Variants in KCNMB2 observed in about 807,000 individuals in gnomAD.
The protein encoded by KCNMB2 is calcium-activated potassium channel subunit beta-2.
Under a neutral mutation model 24.5 loss-of-function variants are expected in KCNMB2, and 9 were observed. That is an observed-to-expected ratio of 0.37 (90% CI 0.22 to 0.64). The LOEUF is 0.64. Ranked by LOEUF, KCNMB2 falls within the 30% of genes least tolerant of loss-of-function variation. KCNMB2 has a pLI of 0.63. For missense variants in KCNMB2, 226 were observed against 284.3 expected (o/e 0.79, Z 1.47); for synonymous variants, 109 against 104.4 (o/e 1.04, Z -0.27).
intron 1 of KCNMB2, among the ~76,000 whole-genome samples, chr3:178,752,502 T>C (rs556244251): frequency 2.3e-4 from 35 of 152,176 alleles, no homozygotes; most frequent in African/African-American, 7.7e-4. Flanking sequence ...GTGGAGTGAG[T>C]TTATGGTCTA....
intron 1 of KCNMB2, among the ~76,000 whole-genome samples, chr3:178,588,534 G>C (rs925547024): frequency 3.0e-4 from 46 of 152,042 alleles, no homozygotes; most frequent in Admixed American, 3.3e-4. Context: ...TTGATATAAT[G>C]CTACTTATCA....
chr3:178,711,003 G>A (rs1409871071), intron 1 of KCNMB2, among the ~76,000 whole-genome samples: 1 of 152,156 alleles, frequency 6.6e-6, no homozygotes, highest in Non-Finnish European at 1.5e-5. Flanking sequence ...TTGCTATCAA[G>A]GGGACATTAA....
intron 1 of KCNMB2, among the ~76,000 whole-genome samples, chr3:178,721,579 A>G (rs1308796837): frequency 2.6e-5 from 4 of 152,168 alleles, no homozygotes; most frequent in Non-Finnish European, 5.9e-5. Context: ...ATTTTTCTGG[A>G]ATGAAAACCC....
intron 1 of KCNMB2, among the ~76,000 whole-genome samples, chr3:178,803,209 A>T (rs1713839317): frequency 6.6e-6 from 1 of 152,240 alleles, no homozygotes; most frequent in Non-Finnish European, 1.5e-5. Flanking sequence ...TGGTGATGCC[A>T]GGAGGCAAAC....
At chr3:178,814,477 T>C (rs1391275278) in intron 2 of KCNMB2, among the ~76,000 whole-genome samples, 2 of 152,206 alleles carry the variant, frequency 1.3e-5, no homozygotes, top group South Asian at 4.1e-4. Flanking sequence ...TTTGGGTAGA[T>C]ACCCACTCCA....
At chr3:178,623,456 G>C (rs538481848) in intron 1 of KCNMB2, among the ~76,000 whole-genome samples, 4 of 152,140 alleles carry the variant, frequency 2.6e-5, no homozygotes, top group Non-Finnish European at 5.9e-5. Context: ...TTTTAGTTCT[G>C]ACAGTGAACA....
intron 4 of KCNMB2, among the ~76,000 whole-genome samples, chr3:178,838,859 T>C (rs1715327783): frequency 6.6e-6 from 1 of 152,188 alleles, no homozygotes; most frequent in African/African-American, 2.4e-5. Flanking sequence ...TGAATATTTA[T>C]AGTTACAATG....
chr3:178,548,420 G>C (rs1184065191), intron 1 of KCNMB2, among the ~76,000 whole-genome samples: 1 of 152,118 alleles, frequency 6.6e-6, no homozygotes, highest in African/African-American at 2.4e-5. Flanking sequence ...TCTAGGACTG[G>C]ATGTCAAGAC....
intron 1 of KCNMB2, among the ~76,000 whole-genome samples, chr3:178,593,233 T>G (rs1397856486): frequency 6.6e-6 from 1 of 152,114 alleles, no homozygotes; most frequent in Non-Finnish European, 1.5e-5. Flanking sequence ...AAAATATTTA[T>G]GTATATATTT....
intron 1 of KCNMB2, among the ~76,000 whole-genome samples, chr3:178,780,564 C>G (rs1040009353): frequency 5.9e-5 from 9 of 152,210 alleles, no homozygotes; most frequent in Non-Finnish European, 1.2e-4. Flanking sequence ...CAAGTGGCTA[C>G]TATGACACAG....
At chr3:178,657,656 A>C (rs1720391920) in intron 1 of KCNMB2, among the ~76,000 whole-genome samples, 1 of 152,228 alleles carries the variant, frequency 6.6e-6, no homozygotes, top group African/African-American at 2.4e-5. Flanking sequence ...TTCTATTGCT[A>C]TAACAGAATA....
intron 4 of KCNMB2, among the ~76,000 whole-genome samples, chr3:178,830,839 T>C (rs61798137): frequency 0.35 from 53,593 of 152,014 alleles, 10,451 homozygotes; most frequent in African/African-American, 0.53. Flanking sequence ...GTTGGTTATA[T>C]GTGTTGTAAA....
chr3:178,677,158 A>G (rs966714194), intron 1 of KCNMB2, among the ~76,000 whole-genome samples: 8 of 152,198 alleles, frequency 5.3e-5, no homozygotes, highest in Non-Finnish European at 1.0e-4. Flanking sequence ...AAGTAAAACC[A>G]GCTAAAACAA....
In KCNMB2 at chr3:178,771,473, CTTTTTTTT is replaced by C. The variant is rs66694279; in HGVS notation, c.-67-35851_-67-35844del. Among the ~76,000 whole-genome samples, 13 of 87,532 alleles carry C rather than the reference CTTTTTTTT, an allele frequency of 1.5e-4. No homozygotes were observed. The South Asian group carries it at 3.3e-3, about 22-fold the overall frequency. The allele number at this position is 87,532 out of a possible 152,430, so 57.4% of individuals were successfully genotyped here. A position where few individuals can be genotyped will look rare whatever the true frequency, so the allele number is the denominator to read the frequency against. On this transcript the variant is annotated intron_variant, in intron 1 of 4. Transcript: ENST00000452583. ...TGACTTTCTTTTTCTTTCTTTCTTTCTTTTTTTTTTTTTTTTTTTTTTTTTTGAGACAG... is the reference window on the plus strand; with the variant it reads ...TGACTTTCTTTTTCTTTCTTTCTTTCTTTTTTTTTTTTTTTTTTGAGACAG...
chr3:178,775,414 T>G (rs1712540773), intron 1 of KCNMB2, among the ~76,000 whole-genome samples: 1 of 152,142 alleles, frequency 6.6e-6, no homozygotes, highest in Non-Finnish European at 1.5e-5. Flanking sequence ...GAAAAGGAGA[T>G]TAACTTTTTT....
intron 1 of KCNMB2, among the ~76,000 whole-genome samples, chr3:178,702,491 G>A (rs1296857003): frequency 6.6e-6 from 1 of 151,512 alleles, no homozygotes; most frequent in Non-Finnish European, 1.5e-5. Context: ...TAAAGCTAAT[G>A]AGAGAATTTG....
intron 1 of KCNMB2, among the ~76,000 whole-genome samples, chr3:178,729,032 T>G (rs552084227): frequency 6.6e-6 from 1 of 152,184 alleles, no homozygotes; most frequent in South Asian, 2.1e-4. Context: ...CCAGATGAAA[T>G]GTAAGATAAG....
chr3:178,674,994 A>G (rs1416523764), intron 1 of KCNMB2, among the ~76,000 whole-genome samples: 2 of 152,224 alleles, frequency 1.3e-5, no homozygotes, highest in Admixed American at 1.3e-4. Flanking sequence ...CAGCTCCTGC[A>G]CTTCCTATTA....
At chr3:178,696,095 T>A (rs1721864503) in intron 1 of KCNMB2, among the ~76,000 whole-genome samples, 1 of 152,298 alleles carries the variant, frequency 6.6e-6, no homozygotes, top group Non-Finnish European at 1.5e-5. Context: ...GAAGTAAACA[T>A]GTCCTTCTTC....
Sources: gnomAD v4.1 joint callset for allele counts (sites outside exome capture counted in the v4.1 genomes callset) on GRCh38, gnomAD v4.1.1 for gene constraint, MANE v1.5 for transcripts, NCBI Gene and HGNC (gene_info 2026-07-23, HGNC 2026-07-21) for gene names.